Variants in SPTY2D1 observed in about 807,000 individuals in gnomAD.
The protein encoded by SPTY2D1 is protein SPT2 homolog.
A neutral mutation model predicts 64.0 loss-of-function variants in SPTY2D1; 21 were observed. The observed-to-expected ratio is 0.33, with a 90% CI of 0.23 to 0.47. The LOEUF (loss-of-function observed/expected upper bound fraction) is 0.47, where lower values mean the gene tolerates loss of function less well. SPTY2D1 is among the 20% of genes least tolerant of loss of function. SPTY2D1 has a pLI of 1.00. For synonymous variants in SPTY2D1, 287 were observed against 286.8 expected (o/e 1.00, Z -0.01); for missense variants, 724 against 837.2 (o/e 0.86, Z 1.67).
chr11:18,628,067 C>T (rs760346874), intron 1 of SPTY2D1, among the ~76,000 whole-genome samples: 1 of 152,122 alleles, frequency 6.6e-6, no homozygotes, highest in Non-Finnish European at 1.5e-5. Flanking sequence ...AAAAACCTGA[C>T]TGAGATAAGA....
chr11:18,627,741 T>C (rs1679920423), intron 1 of SPTY2D1, among the ~76,000 whole-genome samples: 1 of 151,924 alleles, frequency 6.6e-6, no homozygotes, highest in Non-Finnish European at 1.5e-5. Context: ...TAGCCAGGCA[T>C]GGTGGCGGAT....
At chr11:18,624,113 A>G (rs948432832) in intron 1 of SPTY2D1, among the ~76,000 whole-genome samples, 1 of 152,114 alleles carries the variant, frequency 6.6e-6, no homozygotes, top group Non-Finnish European at 1.5e-5. Context: ...GGGGGTTGCA[A>G]TAGACCCTGG....
Position 18,612,431 on chromosome 11 carries a change from T to C in SPTY2D1, c.1769A>G (p.Glu590Gly), listed in dbSNP as rs769366280. The C allele has an allele frequency of 1.5e-5, 24 of 1,610,386 alleles. No homozygotes were observed. The highest frequency in any genetic ancestry group is 2.0e-5 in the Non-Finnish European group (23 of 1,177,898). The change falls in exon 4 of 6, where the codon GAA (glutamate) becomes GGA (glycine). Residue 590 changes from glutamate to glycine, a missense_variant. Physicochemically the swap from Glu to Gly is moderately conservative, Grantham distance 98 (BLOSUM62 -2). Transcript: ENST00000336349. The surrounding 1 kb of genome is among the most constrained non-coding windows in gnomAD (Gnocchi z 4.6). ...GTCGTATTCATCATCATCGTCATCT[T>C]CCTCTTCATATTCTCGCTGCCTTTT... Reference protein sequence around the residue: ...GYKRQREYEEEDDDDDEYDSE... With the variant: ...GYKRQREYEEGDDDDDEYDSE...
Position 18,606,590 on chromosome 11 carries a change from A to C in SPTY2D1, c.*3271T>G. ...AGGATGGATTTAATTACTCCAAAGA[A>C]ATCTCTATCTCACTCTTAATCATAC... On this transcript the variant is annotated 3_prime_UTR_variant, in exon 6 of 6. Transcript: ENST00000336349. The C allele has an allele frequency of 3.3e-6, 1 of 306,096 alleles. No individual in the cohort carries two copies. The highest frequency in any genetic ancestry group is 6.2e-6 in the Non-Finnish European group (1 of 160,298). The allele number at this position is 306,096 out of a possible 1,614,324, so 19.0% of individuals were successfully genotyped here.
At position 18,615,388 on chromosome 11, in the gene SPTY2D1, A is replaced by G. The variant is rs1854281319; in HGVS notation, c.886T>C (p.Ser296Pro). 6.2e-7 allele frequency: 1 copy of G among 1,613,982 alleles called. No homozygotes were observed. Among genetic ancestry groups the G allele is most frequent in the Non-Finnish European group, 8.5e-7 (1 of 1,180,020 alleles). ...TGGCCCTCACGAAGTGAGGGTTGGG[A>G]GCTATTGCCAGATCCTGCCTTGATC... ...ERIKAGSGNS[S>P]QPSLREGHDK... is the part of the protein sequence containing the mutation. Residue 296 changes from serine (S) to proline (P), a missense_variant, in exon 3 of 6, where the codon TCC (serine) becomes CCC (proline). This residue lies in a region of SPTY2D1 where 426 missense variants were observed against 431.8 expected (regional missense o/e 0.99). Coordinates refer to ENST00000336349, the MANE Select transcript of SPTY2D1 (RefSeq NM_194285.3).
chr11:18,630,742 GATCA>G (rs964913435), intron 1 of SPTY2D1, among the ~76,000 whole-genome samples: 28 of 152,230 alleles, frequency 1.8e-4, no homozygotes, highest in African/African-American at 6.3e-4. Flanking sequence ...GTGGTTCTCA[GATCA>G]ATTAATCAAG....
Position 18,634,287 on chromosome 11 carries a change from G to C in SPTY2D1, c.-30C>G. ...GGCCGAGGCGGGAGAGACTGGGCCA[G>C]GCACTCGGAAAGGACTGACAGCGCA... On this transcript the variant is annotated 5_prime_UTR_variant, in exon 1 of 6. Coordinates refer to ENST00000336349, the MANE Select transcript of SPTY2D1 (RefSeq NM_194285.3). 2 of 1,613,076 alleles carry C rather than the reference G, an allele frequency of 1.2e-6. No homozygotes were observed. The highest frequency in any genetic ancestry group is 1.7e-6 in the Non-Finnish European group (2 of 1,179,274).
chr11:18,625,604 C>A (rs557935013), intron 1 of SPTY2D1, among the ~76,000 whole-genome samples: 7 of 151,676 alleles, frequency 4.6e-5, no homozygotes, highest in African/African-American at 1.2e-4. Context: ...GTCACCCAGG[C>A]GGCTGGAGTA....
chr11:18,606,895 C>T lies in SPTY2D1; in HGVS notation c.*2966G>A. On this transcript the variant is annotated 3_prime_UTR_variant, in exon 6 of 6. Coordinates refer to ENST00000336349, the MANE Select transcript of SPTY2D1 (RefSeq NM_194285.3). The stretch of plus-strand genomic sequence containing the variant: ...TTTTTTTTTGACATGGAGTCTCGCT[C>T]TGTCACCCAGCCTGGAGTGCAGTGG... 2.9e-6 allele frequency: 1 copy of T among 341,904 alleles called. No individual in the cohort carries two copies. The highest frequency in any genetic ancestry group is 2.3e-5 in the South Asian group (1 of 44,134). The allele number at this position is 341,904 out of a possible 1,614,324, so 21.2% of individuals were successfully genotyped here. A position where few individuals can be genotyped will look rare whatever the true frequency, so the allele number is the denominator to read the frequency against.
chr11:18,616,064 C>T lies in SPTY2D1; in HGVS notation c.210G>A (p.Val70=). Residue 70 remains valine (V), a synonymous_variant, in exon 3 of 6, where the codon GTG becomes GTA. Transcript: ENST00000336349. The part of the protein sequence containing the change: ...LEEKRRKEEL[V]KKRIELKHDK... ...CATGTTTGAGCTCAATTCGCTTTTTCACTAGTTCCTCTTTTCTCCTTTTCT... is the reference window on the plus strand; with the variant it reads ...CATGTTTGAGCTCAATTCGCTTTTTTACTAGTTCCTCTTTTCTCCTTTTCT... The T allele has an allele frequency of 6.2e-7, 1 of 1,611,528 alleles. No individual in the cohort carries two copies. The highest frequency in any genetic ancestry group is 2.2e-5 in the East Asian group (1 of 44,856).
chr11:18,619,047 T>C (rs925208767), intron 1 of SPTY2D1, among the ~76,000 whole-genome samples: 2 of 152,056 alleles, frequency 1.3e-5, no homozygotes, highest in African/African-American at 4.8e-5. Context: ...GCTCAATATT[T>C]AAAGGAGAAA....
intron 1 of SPTY2D1, 60 bp downstream of exon 1, chr11:18,634,138 C>T (rs1854631487): frequency 6.3e-7 from 1 of 1,595,796 alleles, no homozygotes; most frequent in African/African-American, 1.3e-5. Context: ...CCATGGGCCA[C>T]ACACATTCCG....
intron 1 of SPTY2D1, among the ~76,000 whole-genome samples, chr11:18,621,418 A>G (rs1447412192): frequency 6.6e-6 from 1 of 152,058 alleles, no homozygotes; most frequent in Non-Finnish European, 1.5e-5. Flanking sequence ...AGGCATAAAA[A>G]CAAGGAAGGT....
At chr11:18,625,674 C>T (rs1315738882) in intron 1 of SPTY2D1, among the ~76,000 whole-genome samples, 3 of 152,018 alleles carry the variant, frequency 2.0e-5, no homozygotes, top group Non-Finnish European at 4.4e-5. Flanking sequence ...GAGTCTCCCA[C>T]CTTAGCTTCC....
In SPTY2D1 at chr11:18,616,052, A is replaced by G. The variant is rs1419710065; in HGVS notation, c.222T>C (p.Ile74=). The part of the protein sequence containing the change: ...RRKEELVKKR[I]ELKHDKKARA... ...TTGCTTTCTTGTCATGTTTGAGCTC[A>G]ATTCGCTTTTTCACTAGTTCCTCTT... The change falls in exon 3 of 6, where the codon ATT becomes ATC. Residue 74 remains isoleucine (I), a synonymous_variant. Coordinates refer to ENST00000336349, the MANE Select transcript of SPTY2D1 (RefSeq NM_194285.3). 6 of 1,612,374 alleles carry G rather than the reference A, an allele frequency of 3.7e-6. No individual in the cohort carries two copies. In the Admixed American group the frequency reaches 1.0e-4, roughly 27 times the overall value.
chr11:18,633,218 A>C (rs1231867844), intron 1 of SPTY2D1, among the ~76,000 whole-genome samples: 1 of 152,210 alleles, frequency 6.6e-6, no homozygotes, highest in Non-Finnish European at 1.5e-5. Context: ...GCAGAAGAGA[A>C]AAAAACGAAT....
chr11:18,624,811 C>T (rs61088023), intron 1 of SPTY2D1, among the ~76,000 whole-genome samples: 5,861 of 152,234 alleles, frequency 0.038, 409 homozygotes, highest in African/African-American at 0.13. Context: ...CCAGCCTGAC[C>T]AACATGGAGA....
At position 18,609,749 on chromosome 11, in the gene SPTY2D1, T is replaced by C; in HGVS notation, c.*112A>G. 1 of 862,044 alleles carries C rather than the reference T, an allele frequency of 1.2e-6. No homozygotes were observed. Among genetic ancestry groups the C allele is most frequent in the Admixed American group, 2.5e-5 (1 of 40,326 alleles). The allele number at this position is 862,044 out of a possible 1,614,324, so 53.4% of individuals were successfully genotyped here. ...TGCAAATGACAGTATGCATTCCTTC[T>C]CCTTGAGTACCCAAGTATAAATCTA... On this transcript the variant is annotated 3_prime_UTR_variant, in exon 6 of 6. Coordinates refer to ENST00000336349, the MANE Select transcript of SPTY2D1 (RefSeq NM_194285.3).
intron 1 of SPTY2D1, among the ~76,000 whole-genome samples, chr11:18,624,379 T>C (rs1044131400): frequency 7.9e-5 from 12 of 152,208 alleles, no homozygotes; most frequent in East Asian, 1.9e-4. Context: ...GGCTGCTTCA[T>C]TGTTTGAGCT....
Sources: gnomAD v4.1 joint callset for allele counts (sites outside exome capture counted in the v4.1 genomes callset) on GRCh38, gnomAD v4.1.1 for gene constraint, gnomAD v4.1.1 regional missense constraint, Gnocchi (gnomAD v3.1) non-coding constraint, MANE v1.5 for transcripts, NCBI Gene and HGNC (gene_info 2026-07-23, HGNC 2026-07-21) for gene names.